The following SVEP1 variants were observed in gnomAD, a reference collection of about 807,000 sequenced individuals.
The protein encoded by SVEP1 is sushi, von Willebrand factor type A, EGF and pentraxin domain containing 1.
A neutral mutation model predicts 367.3 loss-of-function variants in SVEP1; 164 were observed. The ratio of observed to expected loss-of-function variants is 0.45; its 90% CI spans 0.39 to 0.51. SVEP1 has a LOEUF of 0.51. SVEP1 is among the 20% of genes least tolerant of loss of function. SVEP1 has a pLI of 0.00. For missense variants in SVEP1, 4,117 were observed against 4,425.3 expected (o/e 0.93, Z 1.98); for synonymous variants, 1,666 against 1,611.6 (o/e 1.03, Z -0.81).
intron 39 of SVEP1, among the ~76,000 whole-genome samples, chr9:110,403,373 C>CGGTTCACT (rs962411990): frequency 1.5e-5 from 2 of 129,490 alleles, no homozygotes; most frequent in African/African-American, 5.9e-5. Flanking sequence ...GGCGCAATCT[C>CGGTTCACT]GGTTCACTGC....
intron 5 of SVEP1, 79 bp from the exon 6 acceptor site, chr9:110,503,296 C>G (rs1158910603): frequency 1.4e-6 from 2 of 1,379,474 alleles, no homozygotes; most frequent in South Asian, 2.8e-5. Flanking sequence ...GCAATGCCTG[C>G]ACATTGCAAG....
rs562479181 is a variant in SVEP1, at chr9:110,429,234, A to G, written c.5716T>C (p.Ser1906Pro). The change falls in exon 35 of 48, where the codon TCT (serine) becomes CCT (proline). Residue 1906 changes from serine to proline, a missense_variant. Ser to Pro is a moderately conservative substitution (Grantham distance 74, BLOSUM62 -1). Coordinates refer to ENST00000374469, the MANE Select transcript of SVEP1 (RefSeq NM_153366.4). ...SPPVCEPVKC[S>P]SPENINNGKY... ...CCATTATTTATATTTTCCGGACTAG[A>G]ACACTTCACTGGTTCACACACAGGA... 8 of 1,596,334 alleles carry G rather than the reference A, an allele frequency of 5.0e-6. No homozygotes were observed. In the Admixed American group the frequency reaches 1.4e-4, roughly 28 times the overall value.
At chr9:110,565,625 G>A (rs1238502988) in intron 1 of SVEP1, among the ~76,000 whole-genome samples, 1 of 152,136 alleles carries the variant, frequency 6.6e-6, no homozygotes, top group Non-Finnish European at 1.5e-5. Context: ...AGAGTGAAGT[G>A]GGTGTGAGAT....
At chr9:110,400,011 G>C (rs1827831968) in intron 40 of SVEP1, among the ~76,000 whole-genome samples, 1 of 152,164 alleles carries the variant, frequency 6.6e-6, no homozygotes, top group Non-Finnish European at 1.5e-5. Flanking sequence ...CAGAGACCTA[G>C]GTGCTGCGGA....
chr9:110,430,005 C>CT lies in SVEP1; in HGVS notation c.5531-2dup. Reference sequence around the variant, plus strand: ...ATAGCCGGTTTACCACATGAAACAGCTTAACAAAGGAAAAACAAACACGTG... The same window carrying CT: ...ATAGCCGGTTTACCACATGAAACAGCTTTAACAAAGGAAAAACAAACACGTG... On this transcript the variant is annotated splice_acceptor_variant, in intron 33 of 47. Coordinates refer to ENST00000374469, the MANE Select transcript of SVEP1 (RefSeq NM_153366.4). LOFTEE classifies it high-confidence loss of function. The CT allele has an allele frequency of 6.2e-7, 1 of 1,611,416 alleles. No individual in the cohort carries two copies. Among genetic ancestry groups the CT allele is most frequent in the Non-Finnish European group, 8.5e-7 (1 of 1,179,610 alleles).
intron 24 of SVEP1, among the ~76,000 whole-genome samples, chr9:110,448,696 T>C (rs146546152): frequency 2.3e-4 from 35 of 152,352 alleles, no homozygotes; most frequent in African/African-American, 8.4e-4. Flanking sequence ...TAGACAACTT[T>C]GGTATTCATC....
chr9:110,493,210 T>C (rs1366157130), intron 8 of SVEP1, among the ~76,000 whole-genome samples: 1 of 151,154 alleles, frequency 6.6e-6, no homozygotes, highest in African/African-American at 2.4e-5. Flanking sequence ...CTGTAAGGGG[T>C]TGGGGAGGGG....
At chr9:110,540,991 T>C (rs1258609963) in intron 3 of SVEP1, among the ~76,000 whole-genome samples, 1 of 152,158 alleles carries the variant, frequency 6.6e-6, no homozygotes, top group African/African-American at 2.4e-5. Context: ...AAGACCACAG[T>C]AATATCATGA....
intron 3 of SVEP1, among the ~76,000 whole-genome samples, chr9:110,519,795 C>T (rs1005917564): frequency 6.6e-6 from 1 of 152,156 alleles, no homozygotes; most frequent in Non-Finnish European, 1.5e-5. Context: ...GGACAGTAGA[C>T]TTGGAGTCAA....
intron 6 of SVEP1, among the ~76,000 whole-genome samples, chr9:110,499,812 G>A (rs1169397399): frequency 2.0e-5 from 3 of 152,156 alleles, no homozygotes; most frequent in Non-Finnish European, 4.4e-5. Context: ...CTTAATACAG[G>A]GAGTGCATGT....
rs1460028384 is a variant in SVEP1 at position 110,411,420 on chromosome 9, C to T, written c.6291G>A (p.Val2097=). The T allele has an allele frequency of 1.9e-6, 3 of 1,613,994 alleles. No individual in the cohort carries two copies. Among genetic ancestry groups the T allele is most frequent in the South Asian group, 2.2e-5 (2 of 91,062 alleles). ...PSVSYSILES[V]SKAKFAAGSV... ...AGCCAGCTGCAAATTTTGCTTTGCT[C>T]ACAGATTCCAAGATGCTATAGGAAA... The change falls in exon 37 of 48, where the codon GTG becomes GTA. Residue 2097 remains valine, a synonymous_variant. Coordinates refer to ENST00000374469, the MANE Select transcript of SVEP1 (RefSeq NM_153366.4).
At chr9:110,551,319 A>G (rs1417250645) in intron 1 of SVEP1, among the ~76,000 whole-genome samples, 1 of 152,234 alleles carries the variant, frequency 6.6e-6, no homozygotes, top group Non-Finnish European at 1.5e-5. Flanking sequence ...AGCAATCTTC[A>G]TTAGTATATA....
chr9:110,497,276 C>T (rs1424871310), intron 7 of SVEP1, among the ~76,000 whole-genome samples: 1 of 152,178 alleles, frequency 6.6e-6, no homozygotes, highest in African/African-American at 2.4e-5. Context: ...GCCCTCTTCT[C>T]CCTTTACCTG....
chr9:110,455,976 G>C (rs1828770674), intron 21 of SVEP1, among the ~76,000 whole-genome samples: 1 of 152,158 alleles, frequency 6.6e-6, no homozygotes, highest in Non-Finnish European at 1.5e-5. Flanking sequence ...GCATAAAATG[G>C]AGCCAGGAAT....
intron 3 of SVEP1, among the ~76,000 whole-genome samples, chr9:110,533,395 C>T (rs1400410801): frequency 6.6e-6 from 1 of 152,184 alleles, no homozygotes; most frequent in Non-Finnish European, 1.5e-5. Flanking sequence ...AGATGAAAAA[C>T]TGCCCAGAAA....
In SVEP1 at chr9:110,430,409, G is replaced by T. The variant is rs768331174; in HGVS notation, c.5395C>A (p.His1799Asn). The change falls in exon 33 of 48, where the codon CAC becomes AAC. Residue 1799 changes from histidine to asparagine, a missense_variant. His to Asn is a moderately conservative substitution (Grantham distance 68). Transcript: ENST00000374469. ...ACTGTATAAATCTCACCTGAGGAGT[G>T]GCCATTTTCCGGATTTCCTGGAGCC... ...CKAPGNPENGHSSGEIYTVGA... is the reference protein window; with the variant it reads ...CKAPGNPENGNSSGEIYTVGA... 1 of 1,612,898 alleles carries T rather than the reference G, an allele frequency of 6.2e-7. No homozygotes were observed. Among genetic ancestry groups the T allele is most frequent in the East Asian group, 2.2e-5 (1 of 44,852 alleles).
intron 43 of SVEP1, among the ~76,000 whole-genome samples, chr9:110,382,048 CT>C (rs1254686099): frequency 4.6e-5 from 7 of 151,454 alleles, no homozygotes; most frequent in African/African-American, 1.7e-4. Flanking sequence ...CATTTTGTGT[CT>C]TTTAAGTGGG....
chr9:110,401,502 A>G (rs1827860418), intron 39 of SVEP1, among the ~76,000 whole-genome samples: 1 of 150,498 alleles, frequency 6.6e-6, no homozygotes, highest in Non-Finnish European at 1.5e-5. Context: ...TTTATCACAT[A>G]TTTTTGAAGG....
chr9:110,371,019 T>G (rs1337553697), intron 46 of SVEP1, among the ~76,000 whole-genome samples: 1 of 152,194 alleles, frequency 6.6e-6, no homozygotes, highest in Non-Finnish European at 1.5e-5. Flanking sequence ...GCTAAGCAAG[T>G]AGTAGGCACT....
Sources: gnomAD v4.1 joint callset for allele counts (sites outside exome capture counted in the v4.1 genomes callset) on GRCh38, gnomAD v4.1.1 for gene constraint, MANE v1.5 for transcripts, NCBI Gene and HGNC (gene_info 2026-07-23, HGNC 2026-07-21) for gene names.